ANKS1B: variants seen among roughly 807,000 people sequenced by gnomAD.
The protein encoded by ANKS1B is ankyrin repeat and sterile alpha motif domain containing 1B.
Under a neutral mutation model 148.3 loss-of-function variants are expected in ANKS1B, and 36 were observed. The observed-to-expected ratio is 0.24, with a 90% CI of 0.19 to 0.32. The LOEUF is 0.32. ANKS1B is among the 10% of genes least tolerant of loss of function. ANKS1B has a pLI of 1.00. For missense variants in ANKS1B, 1,157 were observed against 1,542.6 expected, an observed-to-expected ratio of 0.75 and a Z score of 4.19; for synonymous variants, 542 against 560.8, an observed-to-expected ratio of 0.97 and a Z score of 0.47.
At chr12:99,280,866 G>C (rs539985396) in intron 12 of ANKS1B, among the ~76,000 whole-genome samples, 31 of 139,752 alleles carry the variant, frequency 2.2e-4, no homozygotes, top group Admixed American at 7.7e-4. Flanking sequence ...CTCTCTCTCT[G>C]TCTGTCTCTC....
At chr12:99,724,659 C>A (rs2058440489) in intron 8 of ANKS1B, among the ~76,000 whole-genome samples, 1 of 152,030 alleles carries the variant, frequency 6.6e-6, no homozygotes, top group Non-Finnish European at 1.5e-5. Flanking sequence ...CAGTGAACAC[C>A]ACTAAGATAC....
In ANKS1B at chr12:98,745,721, A is replaced by G; in HGVS notation, c.*18T>C. 1.2e-6 allele frequency: 2 copies of G among 1,612,414 alleles called. No homozygotes were observed. The highest frequency in any genetic ancestry group is 1.7e-6 in the Non-Finnish European group (2 of 1,179,122). Reference sequence around the variant, plus strand: ...GCTTGGCGAGCAAGGCACCGCGAGGACAGGAGGACGGCGAGTATCAGAAAA... The same window carrying G: ...GCTTGGCGAGCAAGGCACCGCGAGGGCAGGAGGACGGCGAGTATCAGAAAA... On this transcript the variant is annotated 3_prime_UTR_variant, in exon 27 of 27. Coordinates refer to ENST00000683438, the MANE Select transcript of ANKS1B (RefSeq NM_001352186.2).
At chr12:99,125,804 T>C (rs1414691864) in intron 15 of ANKS1B, among the ~76,000 whole-genome samples, 2 of 151,990 alleles carry the variant, frequency 1.3e-5, no homozygotes, top group Non-Finnish European at 2.9e-5. Context: ...AGAAGAAGAA[T>C]CTGGGCCCTT....
chr12:99,354,422 G>T (rs571607805), intron 12 of ANKS1B, among the ~76,000 whole-genome samples: 2 of 152,144 alleles, frequency 1.3e-5, no homozygotes, highest in East Asian at 1.9e-4. Context: ...TTCAGAGTTT[G>T]TCTCTGTCTT....
At chr12:99,402,037 G>C (rs970143269) in intron 11 of ANKS1B, among the ~76,000 whole-genome samples, 1 of 146,472 alleles carries the variant, frequency 6.8e-6, no homozygotes, top group African/African-American at 2.6e-5. Flanking sequence ...TATTTATTAT[G>C]TCTGGCTTTT....
chr12:99,777,679 G>T (rs2063793867), intron 6 of ANKS1B, among the ~76,000 whole-genome samples: 1 of 152,022 alleles, frequency 6.6e-6, no homozygotes, highest in African/African-American at 2.4e-5. Context: ...CTGCCTTCTG[G>T]GTTCACGCCA....
rs575423603 is a variant in ANKS1B, at chr12:99,889,230, T to C, written c.135-63841A>G. Among the ~76,000 whole-genome samples the C allele has an allele frequency of 1.2e-4, 19 of 152,276 alleles. No homozygotes were observed. The South Asian group carries it at 3.9e-3, about 32-fold the overall frequency. On this transcript the variant is annotated intron_variant, in intron 1 of 26. Transcript: ENST00000683438. The stretch of plus-strand genomic sequence containing the variant: ...TTGTTTTCATCCCTGTGACAAACCA[T>C]GTGAGATGGCTGTGTGACCCTTGTT...
chr12:99,949,206 A>G (rs1407520998), intron 1 of ANKS1B, among the ~76,000 whole-genome samples: 1 of 152,154 alleles, frequency 6.6e-6, no homozygotes, highest in East Asian at 1.9e-4. Context: ...AGAAGAGGCA[A>G]ATCACCTCTG....
At chr12:99,349,961 T>C (rs1165295819) in intron 12 of ANKS1B, among the ~76,000 whole-genome samples, 4 of 152,044 alleles carry the variant, frequency 2.6e-5, no homozygotes, top group Non-Finnish European at 5.9e-5. Flanking sequence ...GTTATGTATA[T>C]TTTATCACAA....
chr12:99,268,294 TAGAATTC>T (rs1244161987), intron 12 of ANKS1B, among the ~76,000 whole-genome samples: 1 of 152,196 alleles, frequency 6.6e-6, no homozygotes, highest in African/African-American at 2.4e-5. Flanking sequence ...TGAACACTAC[TAGAATTC>T]AGAGCAGAAA....
chr12:99,349,080 C>G (rs768114289), intron 12 of ANKS1B, among the ~76,000 whole-genome samples: 2 of 151,782 alleles, frequency 1.3e-5, no homozygotes, highest in Non-Finnish European at 2.9e-5. Flanking sequence ...GTTTTATATA[C>G]TATTGAAGCT....
At chr12:99,255,396 G>A (rs958220533) in intron 12 of ANKS1B, among the ~76,000 whole-genome samples, 7 of 151,878 alleles carry the variant, frequency 4.6e-5, no homozygotes, top group Admixed American at 1.3e-4. Flanking sequence ...ACTGGAAAGT[G>A]CATCCATTTT....
chr12:99,622,145 A>G (rs1187248001), intron 9 of ANKS1B, among the ~76,000 whole-genome samples: 2 of 152,086 alleles, frequency 1.3e-5, no homozygotes, highest in East Asian at 3.8e-4. Context: ...TTTCTGCTGA[A>G]TTACTTTTGG....
At chr12:99,090,977 A>C (rs1389510390) in intron 15 of ANKS1B, among the ~76,000 whole-genome samples, 1 of 152,138 alleles carries the variant, frequency 6.6e-6, no homozygotes, top group Non-Finnish European at 1.5e-5. Flanking sequence ...GTACACTAAA[A>C]AATCCCTCTA....
At chr12:99,357,627 T>G (rs921239415) in intron 12 of ANKS1B, among the ~76,000 whole-genome samples, 42 of 152,184 alleles carry the variant, frequency 2.8e-4, no homozygotes, top group Non-Finnish European at 1.3e-4. Flanking sequence ...CTCCCTGAGA[T>G]GTAATTGCCT....
chr12:99,849,069 T>C (rs1438592414), intron 1 of ANKS1B, among the ~76,000 whole-genome samples: 1 of 151,960 alleles, frequency 6.6e-6, no homozygotes. Context: ...GAGACAAGGG[T>C]TGACAAACTA....
At chr12:99,073,805 C>T (rs1317590339) in intron 16 of ANKS1B, among the ~76,000 whole-genome samples, 2 of 152,176 alleles carry the variant, frequency 1.3e-5, no homozygotes, top group African/African-American at 4.8e-5. Context: ...GTTTCTTTCA[C>T]AAACACACAA....
intron 9 of ANKS1B, among the ~76,000 whole-genome samples, chr12:99,604,042 C>G (rs1472665353): frequency 6.6e-6 from 1 of 152,032 alleles, no homozygotes; most frequent in East Asian, 1.9e-4. Context: ...CTTTACAATT[C>G]TAGTTGCTTG....
At chr12:98,987,716 G>T (rs78118248) in intron 17 of ANKS1B, among the ~76,000 whole-genome samples, 3,321 of 152,132 alleles carry the variant, frequency 0.022, 122 homozygotes, top group African/African-American at 0.075. Context: ...AAGACTATTA[G>T]CTCTAACAAG....
Sources: gnomAD v4.1 joint callset for allele counts (sites outside exome capture counted in the v4.1 genomes callset) on GRCh38, gnomAD v4.1.1 for gene constraint, MANE v1.5 for transcripts, NCBI Gene and HGNC (gene_info 2026-07-23, HGNC 2026-07-21) for gene names.